Variants in ITGB6 observed in about 807,000 individuals in gnomAD.
The protein encoded by ITGB6 is integrin subunit beta 6.
A neutral mutation model predicts 84.5 loss-of-function variants in ITGB6; 80 were observed. The observed-to-expected ratio is 0.95, with a 90% CI of 0.79 to 1.14. The LOEUF is 1.14. ITGB6 is among the 50% of genes most tolerant of loss of function. The pLI, the probability that ITGB6 is intolerant of heterozygous loss-of-function variation, is 0.00. For synonymous variants in ITGB6, 383 were observed against 354.9 expected (o/e 1.08, Z -0.89); for missense variants, 1,006 against 968.0 (o/e 1.04, Z -0.52).
intron 4 of ITGB6, among the ~76,000 whole-genome samples, chr2:160,184,093 T>C (rs1227640018): frequency 6.6e-6 from 1 of 152,012 alleles, no homozygotes; most frequent in African/African-American, 2.4e-5. Flanking sequence ...AGCAAACAAA[T>C]TCCAAAGCTA....
At chr2:160,143,602 C>T (rs71423043) in intron 7 of ITGB6, among the ~76,000 whole-genome samples, 10,064 of 152,146 alleles carry the variant, frequency 0.066, 380 homozygotes, top group Middle Eastern at 0.14. Context: ...AATTAGATGG[C>T]TGAATTTATT....
chr2:160,116,769 A>T (rs1328984981), intron 12 of ITGB6, among the ~76,000 whole-genome samples: 6 of 152,196 alleles, frequency 3.9e-5, no homozygotes, highest in Admixed American at 3.3e-4. Flanking sequence ...CAGGAAACCC[A>T]TCTCACGGGC....
In ITGB6 at chr2:160,174,081, T is replaced by A; in HGVS notation, c.652A>T (p.Asn218Tyr). 2 of 1,613,122 alleles carry A rather than the reference T, an allele frequency of 1.2e-6. No individual in the cohort carries two copies. The highest frequency in any genetic ancestry group is 1.7e-6 in the Non-Finnish European group (2 of 1,179,698). The change falls in exon 5 of 15, where the codon AAT (asparagine) becomes TAT (tyrosine). Residue 218 changes from asparagine (N) to tyrosine (Y), a missense_variant. Transcript: ENST00000283249. Reference protein sequence around the residue: ...FGFKHILPLTNDAERFNEIVK... With the variant: ...FGFKHILPLTYDAERFNEIVK... ...ATTTCATTGAATCTTTCAGCATCATTTGTCAATGGCAAAATGTGCTTGAAT... is the reference window on the plus strand; with the variant it reads ...ATTTCATTGAATCTTTCAGCATCATATGTCAATGGCAAAATGTGCTTGAAT...
chr2:160,183,220 C>T (rs975053955), intron 4 of ITGB6, among the ~76,000 whole-genome samples: 1 of 151,966 alleles, frequency 6.6e-6, no homozygotes, highest in Non-Finnish European at 1.5e-5. Flanking sequence ...GAGTCAAGAC[C>T]CATTGGTGTG....
chr2:160,164,183 A>G (rs1684919548), intron 7 of ITGB6, among the ~76,000 whole-genome samples: 1 of 152,168 alleles, frequency 6.6e-6, no homozygotes, highest in Non-Finnish European at 1.5e-5. Flanking sequence ...AAGTCTGCTG[A>G]TGCTCTCTGA....
At chr2:160,138,257 G>T in intron 8 of ITGB6, 58 bp from the exon 9 acceptor site, 1 of 1,475,880 alleles carries the variant, frequency 6.8e-7, no homozygotes, top group East Asian at 2.3e-5. Flanking sequence ...ATAGCCAGAA[G>T]AAGAAACCGT....
intron 4 of ITGB6, among the ~76,000 whole-genome samples, chr2:160,191,101 T>C (rs1002342214): frequency 1.3e-5 from 2 of 152,206 alleles, no homozygotes; most frequent in African/African-American, 4.8e-5. Flanking sequence ...AGCAATACTT[T>C]TATGTTAGAT....
At chr2:160,117,651 A>C (rs1682843584) in intron 12 of ITGB6, among the ~76,000 whole-genome samples, 1 of 152,196 alleles carries the variant, frequency 6.6e-6, no homozygotes, top group African/African-American at 2.4e-5. Flanking sequence ...AGAAGGCAAG[A>C]AATTACTAAA....
intron 7 of ITGB6, among the ~76,000 whole-genome samples, chr2:160,144,514 G>A (rs1684116184): frequency 6.6e-6 from 1 of 152,198 alleles, no homozygotes; most frequent in Admixed American, 6.5e-5. Flanking sequence ...GCTGGAACGT[G>A]TGTAAATTTG....
chr2:160,105,067 T>C (rs1001250946), intron 14 of ITGB6, among the ~76,000 whole-genome samples: 1 of 152,198 alleles, frequency 6.6e-6, no homozygotes. Flanking sequence ...ATGTGTGCAG[T>C]GAGCGACATT....
chr2:160,135,968 C>T (rs142385963), intron 10 of ITGB6, among the ~76,000 whole-genome samples: 3,738 of 152,284 alleles, frequency 0.025, 146 homozygotes, highest in African/African-American at 0.085. Context: ...AAAACCTAGG[C>T]AATGCCATTC....
At position 160,123,800 on chromosome 2, in the gene ITGB6, C is replaced by T. The variant is rs1683131483; in HGVS notation, c.1972G>A (p.Glu658Lys). The T allele has an allele frequency of 6.2e-7, 1 of 1,613,152 alleles. No homozygotes were observed. Among genetic ancestry groups the T allele is most frequent in the Admixed American group, 1.7e-5 (1 of 59,992 alleles). Reference protein sequence around the residue: ...KCKLAGATISEEEDFSKDGSV... With the variant: ...KCKLAGATISKEEDFSKDGSV... ...TTAAGACAAGCAGAACCTTCTTCTTCACTGATGGTCGCACCAGCTAGTTTG... is the reference window on the plus strand; with the variant it reads ...TTAAGACAAGCAGAACCTTCTTCTTTACTGATGGTCGCACCAGCTAGTTTG... The change falls in exon 12 of 15, where the codon GAA becomes AAA. Residue 658 changes from glutamate (E) to lysine (K), a missense_variant. Transcript: ENST00000283249.
At chr2:160,125,266 G>C (rs919095674) in intron 11 of ITGB6, among the ~76,000 whole-genome samples, 2 of 152,190 alleles carry the variant, frequency 1.3e-5, no homozygotes, top group Admixed American at 6.5e-5. Context: ...ATACATGCAT[G>C]AATAAATGGA....
chr2:160,159,117 A>G (rs954633358), intron 7 of ITGB6, among the ~76,000 whole-genome samples: 2 of 151,856 alleles, frequency 1.3e-5, no homozygotes, highest in African/African-American at 4.8e-5. Context: ...AAAAAAAGAA[A>G]TGCAGACTCT....
intron 7 of ITGB6, among the ~76,000 whole-genome samples, chr2:160,145,533 A>G (rs549097177): frequency 1.3e-5 from 2 of 152,358 alleles, no homozygotes; most frequent in South Asian, 2.1e-4. Flanking sequence ...AAGAGAAAGC[A>G]TAAGAAACCG....
intron 9 of ITGB6, 31 bp from the exon 10 acceptor site, chr2:160,137,882 C>T (rs1465484282): frequency 6.2e-7 from 1 of 1,600,948 alleles, no homozygotes; most frequent in Non-Finnish European, 8.5e-7. Context: ...TATCTCCCTC[C>T]ATCCACCAAA....
chr2:160,108,482 C>T (rs539102759), intron 13 of ITGB6, among the ~76,000 whole-genome samples: 1 of 152,252 alleles, frequency 6.6e-6, no homozygotes, highest in South Asian at 2.1e-4. Context: ...ATTCAATTCC[C>T]ATCTGATGTA....
intron 4 of ITGB6, among the ~76,000 whole-genome samples, chr2:160,176,034 C>G (rs1382641602): frequency 6.6e-6 from 1 of 152,132 alleles, no homozygotes; most frequent in South Asian, 2.1e-4. Flanking sequence ...TGAGTATCAT[C>G]ATTTTCTTCC....
chr2:160,118,464 G>T (rs1391203789), intron 12 of ITGB6, among the ~76,000 whole-genome samples: 3 of 152,038 alleles, frequency 2.0e-5, no homozygotes, highest in African/African-American at 7.2e-5. Context: ...AAATTCAACA[G>T]TGCTTCATGC....
Sources: gnomAD v4.1 joint callset for allele counts (sites outside exome capture counted in the v4.1 genomes callset) on GRCh38, gnomAD v4.1.1 for gene constraint, MANE v1.5 for transcripts, NCBI Gene and HGNC (gene_info 2026-07-23, HGNC 2026-07-21) for gene names.